The following ATP8B1 variants were observed in gnomAD, a reference collection of about 807,000 sequenced individuals.
ATP8B1 encodes the protein phospholipid-transporting ATPase IC.
ATP8B1 carries 80 observed loss-of-function variants against 149.9 expected under a neutral mutation model. That is an observed-to-expected ratio of 0.53 (90% CI 0.45 to 0.64). The LOEUF (loss-of-function observed/expected upper bound fraction) is 0.64. Among genes scored for constraint, ATP8B1 ranks in the 30% least tolerant of loss-of-function variants. The pLI is 0.00. For missense variants in ATP8B1, 1,247 were observed against 1,552.6 expected (o/e 0.80, Z 3.31); for synonymous variants, 536 against 562.8 (o/e 0.95, Z 0.67).
At chr18:57,706,218 T>G (rs1267964915) in intron 3 of ATP8B1, among the ~76,000 whole-genome samples, 1 of 152,234 alleles carries the variant, frequency 6.6e-6, no homozygotes, top group Admixed American at 6.5e-5. Flanking sequence ...TCATTGTATA[T>G]TCTTTCATAA....
At chr18:57,762,521 T>C (rs2080167946) in intron 1 of ATP8B1, among the ~76,000 whole-genome samples, 1 of 152,110 alleles carries the variant, frequency 6.6e-6, no homozygotes, top group Non-Finnish European at 1.5e-5. Flanking sequence ...TTGTGTGGGG[T>C]TTGGCAAATG....
At chr18:57,703,224 A>G (rs17686324) in intron 4 of ATP8B1, among the ~76,000 whole-genome samples, 2,910 of 152,092 alleles carry the variant, frequency 0.019, 48 homozygotes, top group Non-Finnish European at 0.031. Flanking sequence ...AAAACCTTAA[A>G]GGGTCAATCC....
In ATP8B1 at chr18:57,672,901, T is replaced by A. The variant is rs1231211059; in HGVS notation, c.1820-1321A>T. ...AAAAAAAAAAGTATATATATATATA[T>A]ATATATATATATATATATATATATA... On this transcript the variant is annotated intron_variant, in intron 16 of 27. Transcript: ENST00000648908. Among the ~76,000 whole-genome samples, 40 of 44,780 alleles carry A rather than the reference T, an allele frequency of 8.9e-4. 4 individuals carry two copies. The East Asian group carries it at 0.033, about 36-fold the overall frequency. 29.4% of individuals were successfully genotyped at this position (44,780 alleles called of 152,430 possible). A position where few individuals can be genotyped will look rare whatever the true frequency, so the allele number is the denominator to read the frequency against.
chr18:57,757,930 A>G (rs2080100959), intron 1 of ATP8B1, among the ~76,000 whole-genome samples: 1 of 152,158 alleles, frequency 6.6e-6, no homozygotes, highest in African/African-American at 2.4e-5. Flanking sequence ...CATTTGAAAT[A>G]CAACTGGGTT....
At chr18:57,719,591 C>G (rs1000358247) in intron 2 of ATP8B1, among the ~76,000 whole-genome samples, 1 of 152,228 alleles carries the variant, frequency 6.6e-6, no homozygotes, top group Non-Finnish European at 1.5e-5. Flanking sequence ...ATATCCCACA[C>G]CTGGCTCGGA....
chr18:57,704,850 G>A (rs541994703), intron 3 of ATP8B1, among the ~76,000 whole-genome samples, 182 bp from the exon 4 acceptor site: 21 of 152,278 alleles, frequency 1.4e-4, no homozygotes, highest in Middle Eastern at 6.8e-3. Context: ...TTGGGAGACC[G>A]AGGTGGGTGG....
intron 2 of ATP8B1, among the ~76,000 whole-genome samples, chr18:57,709,993 T>C (rs1913611519): frequency 7.0e-6 from 1 of 142,348 alleles, no homozygotes; most frequent in African/African-American, 2.7e-5. Context: ...TTTTCTTTTC[T>C]TTTCTTTTTT....
At chr18:57,713,662 G>A (rs1453476418) in intron 2 of ATP8B1, among the ~76,000 whole-genome samples, 1 of 151,148 alleles carries the variant, frequency 6.6e-6, no homozygotes, top group Non-Finnish European at 1.5e-5. Context: ...GGCTAATTTT[G>A]TATTTTTAGT....
chr18:57,653,546 A>G (rs373094393), intron 24 of ATP8B1, among the ~76,000 whole-genome samples: 13 of 152,102 alleles, frequency 8.5e-5, no homozygotes, highest in African/African-American at 3.1e-4. Flanking sequence ...TCAGCCTCCT[A>G]AAGTGCTGGG....
At chr18:57,702,645 G>A (rs1029430129) in intron 4 of ATP8B1, among the ~76,000 whole-genome samples, 2 of 152,118 alleles carry the variant, frequency 1.3e-5, no homozygotes, top group East Asian at 3.9e-4. Context: ...ATCACCTGAG[G>A]TTGGAAGTTC....
At chr18:57,723,188 C>A (rs2079666279) in intron 2 of ATP8B1, among the ~76,000 whole-genome samples, 1 of 147,722 alleles carries the variant, frequency 6.8e-6, no homozygotes, top group African/African-American at 2.6e-5. Flanking sequence ...AAAACTGGCA[C>A]AAGTCAGGGA....
intron 1 of ATP8B1, among the ~76,000 whole-genome samples, chr18:57,799,487 AT>A (rs1599253429): frequency 6.6e-6 from 1 of 152,106 alleles, no homozygotes; most frequent in East Asian, 1.9e-4. Flanking sequence ...ACTTTGGTGG[AT>A]TGCTTGAGGC....
At chr18:57,650,259 T>C in intron 27 of ATP8B1, 108 bp downstream of exon 27, 1 of 1,409,152 alleles carries the variant, frequency 7.1e-7, no homozygotes. Context: ...TGAAAAATCA[T>C]TCTTACCAAA....
chr18:57,684,742 AAACAGG>A (rs1280686454), intron 14 of ATP8B1, among the ~76,000 whole-genome samples: 1 of 152,202 alleles, frequency 6.6e-6, no homozygotes, highest in Non-Finnish European at 1.5e-5. Context: ...CCTTATTTAG[AAACAGG>A]GTCTTTACAG....
At chr18:57,725,900 A>G (rs540446062) in intron 2 of ATP8B1, among the ~76,000 whole-genome samples, 1 of 152,342 alleles carries the variant, frequency 6.6e-6, no homozygotes, top group Admixed American at 6.5e-5. Flanking sequence ...TACAGACTTA[A>G]ATCTAAGACC....
chr18:57,748,041 C>G (rs192705408), intron 1 of ATP8B1, among the ~76,000 whole-genome samples: 1 of 152,250 alleles, frequency 6.6e-6, no homozygotes, highest in Non-Finnish European at 1.5e-5. Flanking sequence ...TTGAACAGGT[C>G]AAATATAAGG....
chr18:57,707,100 T>A (rs952222268), intron 2 of ATP8B1, among the ~76,000 whole-genome samples: 2 of 150,868 alleles, frequency 1.3e-5, no homozygotes, highest in Admixed American at 6.6e-5. Flanking sequence ...AGGTCAGGAG[T>A]TCAAGACCAG....
At chr18:57,678,445 C>A (rs1036013926) in intron 15 of ATP8B1, among the ~76,000 whole-genome samples, 1 of 151,758 alleles carries the variant, frequency 6.6e-6, no homozygotes, top group African/African-American at 2.4e-5. Context: ...AAATTAGCCA[C>A]GTGTGGTGGT....
chr18:57,723,889 T>C (rs1404883595), intron 2 of ATP8B1, among the ~76,000 whole-genome samples: 1 of 149,568 alleles, frequency 6.7e-6, no homozygotes, highest in Admixed American at 6.7e-5. Context: ...ATGGTACTGG[T>C]ACCAAAACAG....
Sources: allele counts gnomAD v4.1 joint callset (sites outside exome capture counted in the v4.1 genomes callset), GRCh38; gene constraint gnomAD v4.1.1; transcripts MANE v1.5; gene names NCBI Gene and HGNC (gene_info 2026-07-23, HGNC 2026-07-21).